Variants in ADGRL3 observed in about 807,000 individuals in gnomAD.
ADGRL3 encodes the protein adhesion G protein-coupled receptor L3.
In ADGRL3, 62 loss-of-function variants were observed where a neutral mutation model predicts 153.5. The ratio of observed to expected loss-of-function variants is 0.40; its 90% CI spans 0.33 to 0.50. ADGRL3 has a LOEUF of 0.50. Ranked by LOEUF, ADGRL3 falls within the 20% of genes least tolerant of loss-of-function variation. The pLI is 0.47. For missense variants in ADGRL3, 1,641 were observed against 1,859.4 expected (o/e 0.88, Z 2.16); for synonymous variants, 710 against 672.5 (o/e 1.06, Z -0.86).
chr4:61,205,527 C>T (rs1006810996), intron 1 of ADGRL3, among the ~76,000 whole-genome samples: 1 of 152,084 alleles, frequency 6.6e-6, no homozygotes, highest in African/African-American at 2.4e-5. Context: ...GGGAGGAACC[C>T]TAAAGAATAC....
intron 2 of ADGRL3, chr4:61,427,289 C>G (rs922505137): frequency 6.6e-6 from 1 of 152,660 alleles, no homozygotes; most frequent in Non-Finnish European, 1.5e-5. Context: ...ATTTCTCTGG[C>G]ATTGTTCCAT....
At chr4:61,376,348 CAT>C (rs1419529935) in intron 1 of ADGRL3, among the ~76,000 whole-genome samples, 6 of 151,346 alleles carry the variant, frequency 4.0e-5, no homozygotes, top group African/African-American at 1.5e-4. Context: ...ATAGTCATAA[CAT>C]AGCCATTTTG....
rs2096509014 is a variant in ADGRL3, at chr4:61,736,161, ATATGTATGTACATATCCCCCTCCATATG to A, written c.1399+2622_1399+2649del. Among the ~76,000 whole-genome samples, 9 of 152,086 alleles carry A rather than the reference ATATGTATGTACATATCCCCCTCCATATG, an allele frequency of 5.9e-5. No homozygotes were observed. The South Asian group carries it at 1.9e-3, about 32-fold the overall frequency. The stretch of plus-strand genomic sequence containing the variant: ...TTCATATAGTCATGTATCCCCCTCC[ATATGTATGTACATATCCCCCTCCATATG>A]TATGTATGTACATACATATGGGGGG... On this transcript the variant is annotated intron_variant, in intron 8 of 26. Coordinates refer to ENST00000683033, the MANE Select transcript of ADGRL3 (RefSeq NM_001387552.1).
At chr4:61,726,210 G>GTTTTTTTTTTTTT (rs149472429) in intron 6 of ADGRL3, among the ~76,000 whole-genome samples, 7 of 118,476 alleles carry the variant, frequency 5.9e-5, no homozygotes, top group Admixed American at 1.0e-4. Flanking sequence ...TTTTTTTTTT[G>GTTTTTTTTTTTTT]TTTTTTGAGA....
chr4:61,370,688 GA>G lies in ADGRL3; in HGVS notation c.-239-12429del, dbSNP rs1464878969. Among the ~76,000 whole-genome samples, 10 of 151,720 alleles carry G rather than the reference GA, an allele frequency of 6.6e-5. No individual in the cohort carries two copies. The South Asian group carries it at 1.5e-3, about 22-fold the overall frequency. ...TTTGGAATAGGTGTGGTATGGTGCT[GA>G]AAAAAATGTATATTCTGTTGATTTG... On this transcript the variant is annotated intron_variant, in intron 1 of 26. Transcript: ENST00000683033.
intron 13 of ADGRL3, among the ~76,000 whole-genome samples, chr4:61,933,497 C>T (rs1215404113): frequency 1.3e-5 from 2 of 151,764 alleles, no homozygotes; most frequent in Non-Finnish European, 2.9e-5. Context: ...GAGACTTTTT[C>T]GATTTGTTTG....
chr4:61,946,555 T>C (rs1186522270), intron 15 of ADGRL3, among the ~76,000 whole-genome samples: 1 of 152,166 alleles, frequency 6.6e-6, no homozygotes, highest in Non-Finnish European at 1.5e-5. Context: ...TTATGATAAA[T>C]GTTTTGGAGT....
chr4:61,476,457 G>C (rs546330522), intron 2 of ADGRL3, among the ~76,000 whole-genome samples: 1 of 151,994 alleles, frequency 6.6e-6, no homozygotes, highest in South Asian at 2.1e-4. Flanking sequence ...TGTAATCCCA[G>C]CACTTTGGGA....
chr4:61,571,715 A>G (rs1560862471), intron 4 of ADGRL3, among the ~76,000 whole-genome samples: 1 of 152,164 alleles, frequency 6.6e-6, no homozygotes, highest in Non-Finnish European at 1.5e-5. Context: ...ATCAAAACAT[A>G]CTAGAAATAG....
At chr4:61,694,307 G>A (rs1246845153) in intron 6 of ADGRL3, among the ~76,000 whole-genome samples, 7 of 146,022 alleles carry the variant, frequency 4.8e-5, no homozygotes, top group African/African-American at 1.5e-4. Flanking sequence ...AAAGTATCGG[G>A]ATTACATGCT....
intron 9 of ADGRL3, among the ~76,000 whole-genome samples, chr4:61,857,485 A>G (rs761402252): frequency 6.6e-6 from 1 of 152,148 alleles, no homozygotes; most frequent in Admixed American, 6.5e-5. Context: ...TTTCTCCACT[A>G]TGATGAAACA....
At chr4:61,249,428 AC>A in intron 1 of ADGRL3, among the ~76,000 whole-genome samples, 1 of 151,328 alleles carries the variant, frequency 6.6e-6, no homozygotes, top group Middle Eastern at 3.4e-3. Flanking sequence ...CTCCTGCCTC[AC>A]CCTCCTCCTC....
At chr4:61,994,024 T>A (rs1171485050) in intron 19 of ADGRL3, among the ~76,000 whole-genome samples, 1 of 152,184 alleles carries the variant, frequency 6.6e-6, no homozygotes, top group Admixed American at 6.5e-5. Flanking sequence ...AAAGAAATTA[T>A]CTTGTCTACA....
At chr4:61,672,230 A>G (rs1223095802) in intron 5 of ADGRL3, among the ~76,000 whole-genome samples, 2 of 152,108 alleles carry the variant, frequency 1.3e-5, no homozygotes, top group Non-Finnish European at 2.9e-5. Context: ...GGCTTTTTAT[A>G]TCATGTAAGA....
At chr4:61,766,798 A>G (rs1213308939) in intron 8 of ADGRL3, among the ~76,000 whole-genome samples, 1 of 151,810 alleles carries the variant, frequency 6.6e-6, no homozygotes, top group East Asian at 1.9e-4. Context: ...CTAGAACAGA[A>G]TAATGGGTTG....
intron 2 of ADGRL3, among the ~76,000 whole-genome samples, chr4:61,430,322 A>G (rs888524106): frequency 1.3e-5 from 2 of 152,198 alleles, no homozygotes; most frequent in African/African-American, 2.4e-5. Flanking sequence ...AGGATATGTC[A>G]TTCAGAAGGA....
intron 5 of ADGRL3, among the ~76,000 whole-genome samples, chr4:61,630,944 T>G (rs1368110447): frequency 6.6e-6 from 1 of 152,226 alleles, no homozygotes; most frequent in Non-Finnish European, 1.5e-5. Context: ...TAAATAATTC[T>G]GAGTGCTAAA....
chr4:61,891,409 G>A (rs2098584418), intron 9 of ADGRL3, among the ~76,000 whole-genome samples: 1 of 152,150 alleles, frequency 6.6e-6, no homozygotes, highest in Admixed American at 6.5e-5. Context: ...GTTGAGAAGA[G>A]AGGGAGGGAA....
intron 8 of ADGRL3, among the ~76,000 whole-genome samples, chr4:61,759,832 C>T (rs377648045): frequency 8.5e-5 from 13 of 152,216 alleles, no homozygotes; most frequent in African/African-American, 3.1e-4. Context: ...ATGATGACAA[C>T]ATACAGATGG....
Sources: allele counts gnomAD v4.1 joint callset (sites outside exome capture counted in the v4.1 genomes callset), GRCh38; gene constraint gnomAD v4.1.1; transcripts MANE v1.5; gene names NCBI Gene and HGNC (gene_info 2026-07-23, HGNC 2026-07-21).